The following XKR6 variants were observed in gnomAD, a reference collection of about 807,000 sequenced individuals.
XKR6 encodes the protein XK-related protein 6.
XKR6 carries 22 observed loss-of-function variants against 56.7 expected under a neutral mutation model. The ratio of observed to expected loss-of-function variants is 0.39; its 90% CI spans 0.28 to 0.55. The LOEUF (loss-of-function observed/expected upper bound fraction) is 0.55, where lower values mean the gene tolerates loss of function less well. Ranked by LOEUF, XKR6 falls within the 20% of genes least tolerant of loss-of-function variation. XKR6 has a pLI of 0.66. For missense variants in XKR6, 852 were observed against 889.0 expected (o/e 0.96, Z 0.53); for synonymous variants, 524 against 387.8 (o/e 1.35, Z -4.13).
At position 11,067,417 on chromosome 8, in the gene XKR6, T is replaced by C. The variant is rs114878112; in HGVS notation, c.764+133159A>G. Among the ~76,000 whole-genome samples, 356 of 152,330 alleles carry C rather than the reference T, an allele frequency of 2.3e-3. 1 individual carries two copies. The highest frequency in any genetic ancestry group is 8.4e-3 in the African/African-American group (348 of 41,576). On this transcript the variant is annotated intron_variant, in intron 1 of 2. Coordinates refer to ENST00000416569, the MANE Select transcript of XKR6 (RefSeq NM_173683.4). ...TTCTCCTCGAAGCATCAGAGTCCCATTTGAACATCAAAAGGGTTGAACTGG... is the reference window on the plus strand; with the variant it reads ...TTCTCCTCGAAGCATCAGAGTCCCACTTGAACATCAAAAGGGTTGAACTGG...
intron 1 of XKR6, among the ~76,000 whole-genome samples, chr8:11,139,650 CAAA>C (rs998125737): frequency 6.6e-5 from 10 of 152,114 alleles, no homozygotes; most frequent in African/African-American, 2.2e-4. Context: ...CAAAAAGGAG[CAAA>C]ACAGGGACAG....
chr8:11,048,109 C>T (rs1050605682), intron 1 of XKR6, among the ~76,000 whole-genome samples: 40 of 152,254 alleles, frequency 2.6e-4, no homozygotes, highest in African/African-American at 9.4e-4. Context: ...TCACACACCC[C>T]CCACGCTCAG....
intron 1 of XKR6, among the ~76,000 whole-genome samples, chr8:10,971,965 C>G (rs1802421422): frequency 6.6e-6 from 1 of 151,926 alleles, no homozygotes; most frequent in Non-Finnish European, 1.5e-5. Flanking sequence ...TTAGTCTCAT[C>G]TCCTTGCCAC....
intron 1 of XKR6, among the ~76,000 whole-genome samples, chr8:11,199,281 G>C (rs962735608): frequency 2.6e-5 from 4 of 152,192 alleles, no homozygotes; most frequent in African/African-American, 4.8e-5. Context: ...CAAAGTTATT[G>C]CATCTACTCT....
chr8:10,976,797 G>C (rs1802579236), intron 1 of XKR6, among the ~76,000 whole-genome samples: 1 of 151,800 alleles, frequency 6.6e-6, no homozygotes, highest in African/African-American at 2.4e-5. Context: ...CTCTCTCTCA[G>C]AGCAGGCTAC....
chr8:11,044,985 A>G lies in XKR6; in HGVS notation c.765-120155T>C, dbSNP rs189668975. Among the ~76,000 whole-genome samples, 68 of 149,898 alleles carry G rather than the reference A, an allele frequency of 4.5e-4. No homozygotes were observed. The East Asian group carries it at 0.013, about 28-fold the overall frequency. On this transcript the variant is annotated intron_variant, in intron 1 of 2. Coordinates refer to ENST00000416569, the MANE Select transcript of XKR6 (RefSeq NM_173683.4). ...GATAGGTAGCAGGCTGAAAGACAACATCTTTCTAAGCTCAACTCCAGTGAT... is the reference window on the plus strand; with the variant it reads ...GATAGGTAGCAGGCTGAAAGACAACGTCTTTCTAAGCTCAACTCCAGTGAT...
chr8:11,029,589 C>T (rs1451769054), intron 1 of XKR6, among the ~76,000 whole-genome samples: 1 of 152,174 alleles, frequency 6.6e-6, no homozygotes. Context: ...TGGTCCCAAA[C>T]TTCAGCCTCC....
At chr8:11,107,264 A>G (rs1798713810) in intron 1 of XKR6, among the ~76,000 whole-genome samples, 1 of 151,886 alleles carries the variant, frequency 6.6e-6, no homozygotes, top group African/African-American at 2.4e-5. Context: ...CAGTGGCACG[A>G]TCACAGCTCA....
chr8:11,008,667 G>A lies in XKR6; in HGVS notation c.765-83837C>T, dbSNP rs942225449. 6.6e-5 allele frequency among the ~76,000 whole-genome samples: 10 copies of A among 151,882 alleles called. No individual in the cohort carries two copies. In the East Asian group the frequency reaches 1.7e-3, roughly 27 times the overall value. On this transcript the variant is annotated intron_variant, in intron 1 of 2. Coordinates refer to ENST00000416569, the MANE Select transcript of XKR6 (RefSeq NM_173683.4). ...TGGGTTCAAATGATCCACCTGCCTC[G>A]CCCTCCCAAAGTGCTGGGATTACAG...
At chr8:11,155,284 T>G (rs1458546551) in intron 1 of XKR6, among the ~76,000 whole-genome samples, 1 of 152,256 alleles carries the variant, frequency 6.6e-6, no homozygotes, top group Non-Finnish European at 1.5e-5. Flanking sequence ...TTCCTTGCCT[T>G]ATTAGTTAAT....
In XKR6 at chr8:10,983,455, C is replaced by G. The variant is rs575904238; in HGVS notation, c.765-58625G>C. ...TATCTTATAGAAAAATATAAATTAC[C>G]AAAACCAACCTCTGGAAAGATAGAA... On this transcript the variant is annotated intron_variant, in intron 1 of 2. Coordinates refer to ENST00000416569, the MANE Select transcript of XKR6 (RefSeq NM_173683.4). Among the ~76,000 whole-genome samples, 9 of 151,944 alleles carry G rather than the reference C, an allele frequency of 5.9e-5. No individual in the cohort carries two copies. In the South Asian group the frequency reaches 1.9e-3, roughly 32 times the overall value.
chr8:10,970,034 G>A (rs867461299), intron 1 of XKR6, among the ~76,000 whole-genome samples: 27 of 152,220 alleles, frequency 1.8e-4, no homozygotes, highest in Admixed American at 4.6e-4. Flanking sequence ...AGCCCCAAAT[G>A]CTCGCCACAG....
intron 1 of XKR6, among the ~76,000 whole-genome samples, chr8:11,033,364 G>A (rs1191634491): frequency 1.3e-5 from 2 of 150,292 alleles, no homozygotes; most frequent in African/African-American, 5.0e-5. Flanking sequence ...GATGACGATA[G>A]TGATGGTGAT....
chr8:11,178,166 C>T (rs1183945250), intron 1 of XKR6, among the ~76,000 whole-genome samples: 2 of 152,074 alleles, frequency 1.3e-5, no homozygotes, highest in East Asian at 1.9e-4. Context: ...AACTACTAAG[C>T]GTAAAATTAC....
chr8:10,951,955 C>A (rs1017885730), intron 1 of XKR6, among the ~76,000 whole-genome samples: 3 of 152,150 alleles, frequency 2.0e-5, no homozygotes, highest in Admixed American at 1.3e-4. Context: ...CACAGCCAGC[C>A]CCCTGCCCTC....
intron 1 of XKR6, among the ~76,000 whole-genome samples, chr8:11,013,685 G>C (rs568076341): frequency 1.3e-4 from 20 of 152,202 alleles, no homozygotes; most frequent in Non-Finnish European, 2.9e-4. Context: ...AATTAGCGGG[G>C]ATGGGAGGGC....
At chr8:11,196,948 C>A (rs1381980732) in intron 1 of XKR6, among the ~76,000 whole-genome samples, 1 of 151,014 alleles carries the variant, frequency 6.6e-6, no homozygotes, top group African/African-American at 2.4e-5. Flanking sequence ...AGCATCTTCA[C>A]CAGCCCAGCA....
Position 11,123,899 on chromosome 8 carries a change from T to C in XKR6, c.764+76677A>G, listed in dbSNP as rs539045244. On this transcript the variant is annotated intron_variant, in intron 1 of 2. Coordinates refer to ENST00000416569, the MANE Select transcript of XKR6 (RefSeq NM_173683.4). ...TGTGCTCTCTCTTCTGGGACTGCCC[T>C]TCCCTCCCTCATGATGTTCTTGGCT... 1.3e-5 allele frequency: 6 copies of C among 456,210 alleles called. No homozygotes were observed. The East Asian group carries it at 4.2e-4, about 32-fold the overall frequency. The allele number at this position is 456,210 out of a possible 1,614,324, so 28.3% of individuals were successfully genotyped here.
At chr8:11,158,120 T>G (rs1371549105) in intron 1 of XKR6, among the ~76,000 whole-genome samples, 1 of 152,172 alleles carries the variant, frequency 6.6e-6, no homozygotes, top group Non-Finnish European at 1.5e-5. Flanking sequence ...CATTCAAGCA[T>G]GGTGTTGTGC....
Sources: gnomAD v4.1 joint callset for allele counts (sites outside exome capture counted in the v4.1 genomes callset) on GRCh38, gnomAD v4.1.1 for gene constraint, MANE v1.5 for transcripts, NCBI Gene and HGNC (gene_info 2026-07-23, HGNC 2026-07-21) for gene names.